Variants in CCDC171 observed in about 807,000 individuals in gnomAD.
CCDC171 encodes coiled-coil domain containing 171.
CCDC171 carries 177 observed loss-of-function variants against 168.2 expected under a neutral mutation model. The ratio of observed to expected loss-of-function variants is 1.05; its 90% CI spans 0.93 to 1.19. CCDC171 has a LOEUF of 1.19. Ranked by LOEUF, CCDC171 falls within the 50% of genes most tolerant of loss-of-function variation. CCDC171 has a pLI of 0.00. For synonymous variants in CCDC171, 687 were observed against 540.8 expected (o/e 1.27, Z -3.75); for missense variants, 1,991 against 1,539.0 (o/e 1.29, Z -4.91).
intron 23 of CCDC171, among the ~76,000 whole-genome samples, chr9:15,869,122 T>C (rs2061917083): frequency 6.6e-6 from 1 of 152,008 alleles, no homozygotes. Flanking sequence ...TACTTTCAGT[T>C]CATGGTTGAA....
At chr9:15,939,833 G>A (rs980022328) in intron 25 of CCDC171, among the ~76,000 whole-genome samples, 2 of 151,700 alleles carry the variant, frequency 1.3e-5, no homozygotes, top group Non-Finnish European at 2.9e-5. Context: ...GAGACACCCC[G>A]GAACAAATGA....
chr9:15,583,663 C>T (rs2041321191), intron 4 of CCDC171, among the ~76,000 whole-genome samples: 1 of 151,996 alleles, frequency 6.6e-6, no homozygotes, highest in African/African-American at 2.4e-5. Flanking sequence ...TGAAAGACTA[C>T]ACATTGGTTA....
At chr9:15,920,963 A>G (rs1486484058) in intron 25 of CCDC171, among the ~76,000 whole-genome samples, 1 of 69,546 alleles carries the variant, frequency 1.4e-5, no homozygotes, top group East Asian at 1.3e-3. Context: ...ACTTAACACT[A>G]AAAAAAAAAA....
chr9:15,727,575 A>T (rs1260700156), intron 14 of CCDC171, among the ~76,000 whole-genome samples: 2 of 152,206 alleles, frequency 1.3e-5, no homozygotes, highest in African/African-American at 4.8e-5. Flanking sequence ...CTTAAGCCTG[A>T]GCAGGTGTTT....
downstream of CCDC171, among the ~76,000 whole-genome samples, chr9:16,066,129 T>G (rs1425209255): frequency 5.9e-5 from 9 of 152,268 alleles, no homozygotes; most frequent in South Asian, 1.9e-3. Context: ...TACTTTCTAC[T>G]TCCTTGATGA....
intron 11 of CCDC171, among the ~76,000 whole-genome samples, chr9:15,710,655 G>A (rs1356834369): frequency 3.3e-5 from 5 of 151,584 alleles, no homozygotes; most frequent in South Asian, 4.2e-4. Flanking sequence ...GAGTACGGTG[G>A]CACAATCTCA....
At chr9:15,643,523 C>T (rs911284486) in intron 7 of CCDC171, among the ~76,000 whole-genome samples, 1 of 152,122 alleles carries the variant, frequency 6.6e-6, no homozygotes, top group African/African-American at 2.4e-5. Context: ...GTGGCTGCCA[C>T]TTCTTGACAT....
chr9:15,581,072 C>T (rs977428273), intron 4 of CCDC171, among the ~76,000 whole-genome samples: 1 of 152,192 alleles, frequency 6.6e-6, no homozygotes, highest in Non-Finnish European at 1.5e-5. Context: ...TGATAAGCAA[C>T]TTCAGCAAAG....
intron 21 of CCDC171, among the ~76,000 whole-genome samples, chr9:15,819,759 C>A (rs1328680161): frequency 8.5e-6 from 1 of 117,152 alleles, no homozygotes; most frequent in African/African-American, 3.2e-5. Context: ...TAAAACCCCA[C>A]TGTCAATATT....
chr9:15,718,991 G>A (rs2136355), intron 11 of CCDC171, among the ~76,000 whole-genome samples: 69,238 of 151,778 alleles, frequency 0.46, 16,325 homozygotes, highest in East Asian at 0.77. Flanking sequence ...ACTAAATAAG[G>A]GACCAGAAAC....
At chr9:15,556,915 G>T (rs2038850224) in intron 1 of CCDC171, among the ~76,000 whole-genome samples, 1 of 152,242 alleles carries the variant, frequency 6.6e-6, no homozygotes, top group African/African-American at 2.4e-5. Flanking sequence ...CTTAATTTTT[G>T]TGTAAGGTAT....
chr9:15,849,346 A>G (rs1460836012), intron 23 of CCDC171, among the ~76,000 whole-genome samples: 2 of 150,758 alleles, frequency 1.3e-5, no homozygotes, highest in Non-Finnish European at 3.0e-5. Flanking sequence ...TATATATTTT[A>G]TTTAGTAATA....
intron 6 of CCDC171, among the ~76,000 whole-genome samples, chr9:15,608,110 C>T (rs558680534): frequency 6.6e-6 from 1 of 152,056 alleles, no homozygotes; most frequent in African/African-American, 2.4e-5. Flanking sequence ...CTTGTAAAGC[C>T]ACCAGTTCTA....
At chr9:15,752,618 C>T (rs369882745) in intron 18 of CCDC171, among the ~76,000 whole-genome samples, 2 of 152,164 alleles carry the variant, frequency 1.3e-5, no homozygotes, top group African/African-American at 4.8e-5. Context: ...TGGAAACCAT[C>T]ATTCTCAGCA....
At chr9:15,796,588 A>T (rs1159719389) in intron 21 of CCDC171, among the ~76,000 whole-genome samples, 1 of 152,208 alleles carries the variant, frequency 6.6e-6, no homozygotes, top group Non-Finnish European at 1.5e-5. Flanking sequence ...CCTTTTGACA[A>T]ATGTATACAT....
At chr9:15,750,336 T>C (rs920504736) in intron 18 of CCDC171, among the ~76,000 whole-genome samples, 2 of 151,924 alleles carry the variant, frequency 1.3e-5, no homozygotes, top group African/African-American at 2.4e-5. Flanking sequence ...AATAGCCTAC[T>C]CACCAAAAAA....
At chr9:15,811,059 T>G (rs1410185214) in intron 21 of CCDC171, among the ~76,000 whole-genome samples, 1 of 152,240 alleles carries the variant, frequency 6.6e-6, no homozygotes, top group East Asian at 1.9e-4. Context: ...AAAATTCTGT[T>G]GTACAGTGCT....
intron 25 of CCDC171, among the ~76,000 whole-genome samples, chr9:15,950,875 A>G (rs559931553): frequency 2.6e-5 from 4 of 151,240 alleles, no homozygotes; most frequent in Non-Finnish European, 4.4e-5. Flanking sequence ...TATTCAGGAA[A>G]GCCATCTCAC....
At position 15,973,314 on chromosome 9, in the gene CCDC171, T is replaced by G. The variant is rs1271171078; in HGVS notation, c.*1478T>G. On this transcript the variant is annotated 3_prime_UTR_variant, in exon 26 of 26. Coordinates refer to ENST00000380701, the MANE Select transcript of CCDC171 (RefSeq NM_173550.4). The stretch of plus-strand genomic sequence containing the variant: ...AGTATAACAGTATGTATTACAGAAG[T>G]TTTTTTGTCTTATCTTTACAGTGAC... 2 of 151,036 alleles carry G rather than the reference T, an allele frequency of 1.3e-5. No homozygotes were observed. 9.4% of individuals were successfully genotyped at this position (151,036 alleles called of 1,614,324 possible). A position where few individuals can be genotyped will look rare whatever the true frequency, so the allele number is the denominator to read the frequency against.
Sources: gnomAD v4.1 joint callset for allele counts (sites outside exome capture counted in the v4.1 genomes callset) on GRCh38, gnomAD v4.1.1 for gene constraint, MANE v1.5 for transcripts, NCBI Gene and HGNC (gene_info 2026-07-23, HGNC 2026-07-21) for gene names.